The following ARFGEF1 variants were observed in gnomAD, a reference collection of about 807,000 sequenced individuals.
The protein encoded by ARFGEF1 is brefeldin A-inhibited guanine nucleotide-exchange protein 1.
ARFGEF1 carries 42 observed loss-of-function variants against 231.0 expected under a neutral mutation model. The observed-to-expected ratio is 0.18, with a 90% CI of 0.14 to 0.24. The LOEUF is 0.24. Among genes scored for constraint, ARFGEF1 ranks in the 10% least tolerant of loss-of-function variants. The probability of loss-of-function intolerance (pLI) is 1.00; values close to 1 mark genes in which losing one functional copy is unlikely to be tolerated. For missense variants in ARFGEF1, 1,345 were observed against 2,192.0 expected, an observed-to-expected ratio of 0.61 and a Z score of 7.72; for synonymous variants, 710 against 732.3, an observed-to-expected ratio of 0.97 and a Z score of 0.49.
intron 29 of ARFGEF1, among the ~76,000 whole-genome samples, chr8:67,220,398 C>T (rs994118848): frequency 1.3e-5 from 2 of 152,158 alleles, no homozygotes; most frequent in Non-Finnish European, 2.9e-5. Context: ...TTGAAAGGCT[C>T]TCATAAGGAC....
chr8:67,341,540 T>C (rs149743453), intron 1 of ARFGEF1, among the ~76,000 whole-genome samples: 3 of 152,190 alleles, frequency 2.0e-5, no homozygotes, highest in East Asian at 3.9e-4. Context: ...GAGGCGGCAC[T>C]GAGCACTGAT....
chr8:67,246,539 T>A (rs569010390), intron 19 of ARFGEF1, among the ~76,000 whole-genome samples: 2 of 150,288 alleles, frequency 1.3e-5, no homozygotes. Flanking sequence ...AGAAGGAAAT[T>A]GAAAAATTTA....
chr8:67,306,241 T>A (rs1821026), intron 1 of ARFGEF1, among the ~76,000 whole-genome samples: 49,594 of 152,048 alleles, frequency 0.33, 8,368 homozygotes, highest in East Asian at 0.39. Flanking sequence ...ATGGCTACTA[T>A]GTGACTAAAT....
intron 22 of ARFGEF1, among the ~76,000 whole-genome samples, chr8:67,236,847 G>A (rs1337915481): frequency 1.3e-5 from 2 of 152,176 alleles, no homozygotes; most frequent in Non-Finnish European, 2.9e-5. Flanking sequence ...GAAGGGAGAA[G>A]ACAGTTCATC....
chr8:67,250,620 T>C (rs938392317), intron 19 of ARFGEF1, among the ~76,000 whole-genome samples: 1 of 152,188 alleles, frequency 6.6e-6, no homozygotes, highest in Non-Finnish European at 1.5e-5. Flanking sequence ...CATCGGATTA[T>C]GATCTTTAGC....
chr8:67,288,848 T>C (rs1054883896), intron 6 of ARFGEF1, among the ~76,000 whole-genome samples: 2 of 152,158 alleles, frequency 1.3e-5, no homozygotes, highest in African/African-American at 4.8e-5. Flanking sequence ...CCCAGTACTT[T>C]CTGGCCCTTC....
intron 9 of ARFGEF1, 144 bp downstream of exon 9, chr8:67,275,832 A>T: frequency 1.1e-6 from 1 of 914,926 alleles, no homozygotes; most frequent in Non-Finnish European, 1.6e-6. Context: ...CTTTTTTCTT[A>T]AACGTAAAAT....
At chr8:67,185,886 G>A (rs1378455244) in intron 5 of ARFGEF1, among the ~76,000 whole-genome samples, 2 of 151,984 alleles carry the variant, frequency 1.3e-5, no homozygotes, top group African/African-American at 4.8e-5. Flanking sequence ...AGATCAAAAG[G>A]ACAAGAATCC....
intron 7 of ARFGEF1, among the ~76,000 whole-genome samples, chr8:67,287,745 G>C (rs983042248): frequency 6.6e-6 from 1 of 152,118 alleles, no homozygotes; most frequent in Non-Finnish European, 1.5e-5. Flanking sequence ...GCATAGTTCT[G>C]GTCATTTCAT....
intron 5 of ARFGEF1, among the ~76,000 whole-genome samples, chr8:67,184,741 A>AT (rs1156958388): frequency 9.7e-5 from 14 of 143,610 alleles, no homozygotes; most frequent in African/African-American, 3.8e-4. Context: ...AATAATAAAA[A>AT]AATATAATAA....
At chr8:67,286,542 G>T (rs1805765582) in intron 7 of ARFGEF1, among the ~76,000 whole-genome samples, 1 of 152,122 alleles carries the variant, frequency 6.6e-6, no homozygotes, top group Non-Finnish European at 1.5e-5. Flanking sequence ...AAACAAATAA[G>T]CATGGCTGTG....
intron 19 of ARFGEF1, among the ~76,000 whole-genome samples, chr8:67,245,236 A>C (rs1840068174): frequency 6.6e-6 from 1 of 150,702 alleles, no homozygotes; most frequent in Admixed American, 6.6e-5. Context: ...GGAGTACTTC[A>C]ATCAGAAAAA....
chr8:67,217,698 C>G, intron 32 of ARFGEF1, 84 bp downstream of exon 32: 1 of 1,388,158 alleles, frequency 7.2e-7, no homozygotes. Flanking sequence ...AATCAGTAGT[C>G]ACTATCAAAC....
At chr8:67,271,378 G>T (rs938314832) in intron 10 of ARFGEF1, among the ~76,000 whole-genome samples, 1 of 152,118 alleles carries the variant, frequency 6.6e-6, no homozygotes, top group African/African-American at 2.4e-5. Context: ...ATAAACAAAT[G>T]TATTCGAATA....
intron 38 of ARFGEF1, 63 bp from the exon 39 acceptor site, chr8:67,199,161 A>G (rs944324246): frequency 2.9e-5 from 45 of 1,558,958 alleles, no homozygotes; most frequent in African/African-American, 8.4e-5. Flanking sequence ...TAAACTGCCT[A>G]GAGTCAAACT....
rs1839321721 is a variant in ARFGEF1 at position 67,224,959 on chromosome 8, T to A, written c.4152A>T (p.Pro1384=). The change falls in exon 29 of 39, where the codon CCA becomes CCT. Residue 1384 remains proline (P), a synonymous_variant. Coordinates refer to ENST00000262215, the MANE Select transcript of ARFGEF1 (RefSeq NM_006421.5). ...TGATACAGGATAACTCAAAGAGAAT[T>A]GGGAACCATCCTCTCACCCACACCC... ...EDRVWVRGWF[P]ILFELSCIIN... is the part of the protein sequence containing the mutation. 6.2e-7 allele frequency: 1 copy of A among 1,606,322 alleles called. No homozygotes were observed. Among genetic ancestry groups the A allele is most frequent in the Admixed American group, 1.7e-5 (1 of 58,924 alleles).
chr8:67,180,220 T>TA (rs1296141457), intron 5 of ARFGEF1, among the ~76,000 whole-genome samples: 3 of 152,110 alleles, frequency 2.0e-5, no homozygotes, highest in Non-Finnish European at 2.9e-5. Flanking sequence ...GATGAATGGT[T>TA]AAAAAAACTC....
At chr8:67,206,849 T>C (rs901409062) in intron 34 of ARFGEF1, among the ~76,000 whole-genome samples, 12 of 152,208 alleles carry the variant, frequency 7.9e-5, no homozygotes, top group African/African-American at 2.9e-4. Flanking sequence ...GCTGGGCGAC[T>C]TACAATCCCT....
rs539674620 is a variant in ARFGEF1 at position 67,267,266 on chromosome 8, T to A, written c.1673-36A>T. 1.1e-5 allele frequency: 17 copies of A among 1,605,700 alleles called. 1 individual carries two copies. In the South Asian group the frequency reaches 1.8e-4, roughly 17 times the overall value. ...ATAACATTAATTTCAACAAAGTACA[T>A]CTAGGATATGAGTACATTTGGCCTT... On this transcript the variant is annotated intron_variant, in intron 11 of 38. Transcript: ENST00000262215.
Sources: gnomAD v4.1 joint callset for allele counts (sites outside exome capture counted in the v4.1 genomes callset) on GRCh38, gnomAD v4.1.1 for gene constraint, MANE v1.5 for transcripts, NCBI Gene and HGNC (gene_info 2026-07-23, HGNC 2026-07-21) for gene names.